Variants in SPAST observed in about 807,000 individuals in gnomAD.
The protein encoded by SPAST is spastic paraplegia 4 (autosomal dominant; spastin).
A neutral mutation model predicts 76.6 loss-of-function variants in SPAST; 30 were observed. The ratio of observed to expected loss-of-function variants is 0.39; its 90% confidence interval spans 0.29 to 0.53. SPAST has a LOEUF of 0.53. Among genes scored for constraint, SPAST ranks in the 20% least tolerant of loss-of-function variants. The pLI is 0.68. For synonymous variants in SPAST, 305 were observed against 281.0 expected (o/e 1.09, Z -0.86); for missense variants, 717 against 770.5 (o/e 0.93, Z 0.82).
At chr2:32,132,572 T>A (rs978758810) in intron 9 of SPAST, among the ~76,000 whole-genome samples, 1 of 151,990 alleles carries the variant, frequency 6.6e-6, no homozygotes, top group Non-Finnish European at 1.5e-5. Flanking sequence ...ATATAGGAAC[T>A]TAATGTTATA....
chr2:32,147,651 A>T (rs200974317), intron 16 of SPAST, among the ~76,000 whole-genome samples: 1 of 94,274 alleles, frequency 1.1e-5, no homozygotes, highest in Admixed American at 1.1e-4. Context: ...TGTTTGTTTG[A>T]GACGGAGTCT....
chr2:32,100,386 T>A (rs1204082034), intron 4 of SPAST, among the ~76,000 whole-genome samples: 2 of 151,630 alleles, frequency 1.3e-5, no homozygotes, highest in East Asian at 3.8e-4. Context: ...TATTACTTTT[T>A]TCAAATTATA....
intron 1 of SPAST, among the ~76,000 whole-genome samples, chr2:32,083,763 T>A (rs1256067132): frequency 4.2e-5 from 4 of 96,178 alleles, no homozygotes; most frequent in Non-Finnish European, 6.0e-5. Flanking sequence ...TATATATATA[T>A]ATATATATAT....
At chr2:32,105,877 A>G (rs536467031) in intron 4 of SPAST, among the ~76,000 whole-genome samples, 2 of 152,130 alleles carry the variant, frequency 1.3e-5, no homozygotes, top group Non-Finnish European at 2.9e-5. Context: ...CCGTATGGGG[A>G]GGTGTCTCCC....
chr2:32,073,916 T>C (rs1350132033), intron 1 of SPAST, among the ~76,000 whole-genome samples: 1 of 152,172 alleles, frequency 6.6e-6, no homozygotes, highest in Non-Finnish European at 1.5e-5. Flanking sequence ...TTTCTGCTCT[T>C]CTGCAGAGGG....
At chr2:32,153,703 T>C (rs544112474) in intron 16 of SPAST, among the ~76,000 whole-genome samples, 1 of 152,302 alleles carries the variant, frequency 6.6e-6, no homozygotes, top group East Asian at 1.9e-4. Flanking sequence ...ATATAGATAT[T>C]CATTAACTCA....
intron 3 of SPAST, among the ~76,000 whole-genome samples, chr2:32,093,294 G>C (rs1399821065): frequency 4.9e-5 from 6 of 123,030 alleles, no homozygotes; most frequent in African/African-American, 1.9e-4. Flanking sequence ...CTGGGTGACA[G>C]AGCGAGACTC....
At position 32,114,627 on chromosome 2, in the gene SPAST, T is replaced by G; in HGVS notation, c.683-11T>G. On this transcript the variant is annotated splice_polypyrimidine_tract_variant and intron_variant, in intron 4 of 16. Transcript: ENST00000315285. ...TTTCTAATCACAATGGTTTTACTTT[T>G]TCCTTGTCAGAAAGTGGAGCTGTTC... is the stretch of plus-strand genomic sequence containing the variant. 6.2e-7 allele frequency: 1 copy of G among 1,612,644 alleles called. No homozygotes were observed. The highest frequency in any genetic ancestry group is 8.5e-7 in the Non-Finnish European group (1 of 1,178,632).
intron 2 of SPAST, 96 bp downstream of exon 2, chr2:32,087,674 T>TC: frequency 2.3e-6 from 1 of 441,154 alleles, no homozygotes; most frequent in East Asian, 4.9e-5. Context: ...TATTTTTCTT[T>TC]CTTTCTTTTC....
intron 16 of SPAST, among the ~76,000 whole-genome samples, chr2:32,153,738 A>G (rs966490180): frequency 1.3e-5 from 2 of 152,190 alleles, no homozygotes; most frequent in African/African-American, 4.8e-5. Context: ...TATATTTCCA[A>G]AGGCAATTTA....
At chr2:32,128,018 A>T in intron 8 of SPAST, 2 of 178,028 alleles carry the variant, frequency 1.1e-5, no homozygotes, top group Non-Finnish European at 2.4e-5. Context: ...TTTTTTTTAG[A>T]CAGTCTTACT....
intron 1 of SPAST, among the ~76,000 whole-genome samples, chr2:32,079,370 G>T (rs1246360646): frequency 6.6e-6 from 1 of 151,774 alleles, no homozygotes; most frequent in East Asian, 2.0e-4. Context: ...AATTAACCAG[G>T]TGTGGTGGTG....
intron 16 of SPAST, among the ~76,000 whole-genome samples, chr2:32,153,569 G>C (rs1441129442): frequency 6.6e-6 from 1 of 151,740 alleles, no homozygotes; most frequent in African/African-American, 2.4e-5. Context: ...ACCCGCCTTG[G>C]CCTCCCAAAG....
At chr2:32,095,418 A>G (rs532005342) in intron 3 of SPAST, among the ~76,000 whole-genome samples, 6 of 152,246 alleles carry the variant, frequency 3.9e-5, no homozygotes, top group African/African-American at 1.4e-4. Flanking sequence ...ATACACTTAG[A>G]TAAATGAATA....
intron 4 of SPAST, among the ~76,000 whole-genome samples, chr2:32,109,150 C>T (rs922664915): frequency 6.6e-6 from 1 of 151,812 alleles, no homozygotes; most frequent in African/African-American, 2.4e-5. Context: ...GCTCTGTTGC[C>T]CAGGCTGGAG....
At chr2:32,073,442 A>G (rs1676829826) in intron 1 of SPAST, among the ~76,000 whole-genome samples, 1 of 152,148 alleles carries the variant, frequency 6.6e-6, no homozygotes, top group African/African-American at 2.4e-5. Flanking sequence ...TGTCTGGCAA[A>G]GTATAGATTG....
chr2:32,122,442 CT>C (rs1679051168), intron 7 of SPAST, among the ~76,000 whole-genome samples: 1 of 152,158 alleles, frequency 6.6e-6, no homozygotes, highest in Non-Finnish European at 1.5e-5. Context: ...ATGCCTCAGC[CT>C]CCCAAGTAGC....
chr2:32,106,568 T>G (rs1678329956), intron 4 of SPAST, among the ~76,000 whole-genome samples: 1 of 152,220 alleles, frequency 6.6e-6, no homozygotes, highest in Admixed American at 6.5e-5. Context: ...GAGCTGTTCC[T>G]ATTTGGCCAT....
At chr2:32,127,614 A>G (rs540835130) in intron 8 of SPAST, 162 of 150,944 alleles carry the variant, frequency 1.1e-3, no homozygotes, top group Admixed American at 2.9e-3. Flanking sequence ...TTTTGCTTCT[A>G]CTATCATAAT....
Sources: gnomAD v4.1 joint callset for allele counts (sites outside exome capture counted in the v4.1 genomes callset) on GRCh38, gnomAD v4.1.1 for gene constraint, MANE v1.5 for transcripts, NCBI Gene and HGNC (gene_info 2026-07-23, HGNC 2026-07-21) for gene names.